PCDHGB4: variants seen among roughly 807,000 people sequenced by gnomAD.
The protein encoded by PCDHGB4 is protocadherin gamma-B4.
A neutral mutation model predicts 60.5 loss-of-function variants in PCDHGB4; 38 were observed. The observed-to-expected ratio is 0.63, with a 90% confidence interval of 0.48 to 0.82. The LOEUF is 0.82. PCDHGB4 is among the 40% of genes least tolerant of loss of function. The pLI is 0.00. For synonymous variants in PCDHGB4, 456 were observed against 509.7 expected (o/e 0.89, Z 1.42); for missense variants, 1,109 against 1,209.6 (o/e 0.92, Z 1.23).
rs1239481973 is a variant in PCDHGB4 at position 141,491,585 on chromosome 5, C to G, written c.2398-3222C>G. On this transcript the variant is annotated intron_variant, in intron 1 of 3. Coordinates refer to ENST00000519479, the MANE Select transcript of PCDHGB4 (RefSeq NM_003736.4). The surrounding 1 kb of genome is among the most constrained non-coding windows in gnomAD (Gnocchi z 6.9). ...TACAGGACGTGCTTTTCACCGGCCT[C>G]GGACGGCAGTGACTTCACTTTTCTA... 6.2e-7 allele frequency: 1 copy of G among 1,613,964 alleles called. No individual in the cohort carries two copies.
At chr5:141,434,535 A>G (rs939961995) in intron 1 of PCDHGB4, among the ~76,000 whole-genome samples, 1 of 152,230 alleles carries the variant, frequency 6.6e-6, no homozygotes, top group African/African-American at 2.4e-5. Flanking sequence ...ACCACAAACA[A>G]TAGCATGAGT....
intron 1 of PCDHGB4, among the ~76,000 whole-genome samples, chr5:141,429,774 G>A (rs1175985162): frequency 6.6e-6 from 1 of 152,070 alleles, no homozygotes; most frequent in Non-Finnish European, 1.5e-5. Context: ...ATTTTGATGG[G>A]CTTCCAAAAG....
At position 141,399,337 on chromosome 5, in the gene PCDHGB4, GGAACCCTAGACC is replaced by G. The variant is rs754766358; in HGVS notation, c.2397+9059_2397+9070del. 29 of 1,613,990 alleles carry G rather than the reference GGAACCCTAGACC, an allele frequency of 1.8e-5. No individual in the cohort carries two copies. In the South Asian group the frequency reaches 3.1e-4, roughly 17 times the overall value. Reference sequence around the variant, plus strand: ...AAATTCGTATAAGTTGGTAACAGATGGAACCCTAGACCGAGAGCAAACCCCGGAGTACAATGT... The same window carrying G: ...AAATTCGTATAAGTTGGTAACAGATGGAGAGCAAACCCCGGAGTACAATGT... On this transcript the variant is annotated intron_variant, in intron 1 of 3. Transcript: ENST00000519479.
rs2099612668 is a variant in PCDHGB4, at chr5:141,485,382, TGA to T, written c.2398-9424_2398-9423del. The T allele has an allele frequency of 6.2e-7, 1 of 1,613,538 alleles. No homozygotes were observed. The highest frequency in any genetic ancestry group is 8.5e-7 in the Non-Finnish European group (1 of 1,179,906). On this transcript the variant is annotated intron_variant, in intron 1 of 3. Coordinates refer to ENST00000519479, the MANE Select transcript of PCDHGB4 (RefSeq NM_003736.4). The surrounding 1 kb of genome is among the most constrained non-coding windows in gnomAD (Gnocchi z 5.7). ...CGCAGGCTGCAGGTCGCTGGAGAGG[TGA>T]ACCAAAGACACTTCCGTGTGGATTT...
intron 1 of PCDHGB4, chr5:141,414,379 A>G (rs2095740987): frequency 1.2e-6 from 2 of 1,613,912 alleles, no homozygotes; most frequent in African/African-American, 1.3e-5. Context: ...AGAAAAGTCC[A>G]TTGACAGTTA....
At chr5:141,460,231 G>A (rs911633731) in intron 1 of PCDHGB4, among the ~76,000 whole-genome samples, 3 of 152,028 alleles carry the variant, frequency 2.0e-5, no homozygotes, top group Non-Finnish European at 4.4e-5. Context: ...CTTTTGAAGA[G>A]CAGAAGATGT....
intron 1 of PCDHGB4, among the ~76,000 whole-genome samples, chr5:141,443,202 C>T (rs546748238): frequency 2.6e-5 from 4 of 152,172 alleles, no homozygotes; most frequent in Non-Finnish European, 1.5e-5. Flanking sequence ...GTACAAAGAG[C>T]TTGTCTCGCC....
intron 1 of PCDHGB4, chr5:141,478,150 C>T (rs569939900): frequency 6.2e-7 from 1 of 1,614,086 alleles, no homozygotes; most frequent in African/African-American, 1.3e-5. Flanking sequence ...CCGAGTTCCC[C>T]TCTGGCTCTG....
rs763743728 is a variant in PCDHGB4, at chr5:141,398,890, G to C, written c.2397+8609G>C. On this transcript the variant is annotated intron_variant, in intron 1 of 3. Coordinates refer to ENST00000519479, the MANE Select transcript of PCDHGB4 (RefSeq NM_003736.4). ...GTACAGAGTCAGCCTTCGGGAAAAC[G>C]TGCCACCAGGCACCACTGTGTTGCA... is the stretch of plus-strand genomic sequence containing the variant. 2.5e-6 allele frequency: 4 copies of C among 1,613,920 alleles called. No homozygotes were observed. The South Asian group carries it at 3.3e-5, about 13-fold the overall frequency.
chr5:141,428,395 G>A, intron 1 of PCDHGB4: 1 of 488,280 alleles, frequency 2.0e-6, no homozygotes, highest in Non-Finnish European at 3.8e-6. Flanking sequence ...CAGCCCCTCT[G>A]CCTGGGGTTG....
intron 1 of PCDHGB4, chr5:141,393,880 T>A (rs1561645063): frequency 6.2e-7 from 1 of 1,614,004 alleles, no homozygotes; most frequent in Non-Finnish European, 8.5e-7. Context: ...TTTAGCCCAG[T>A]GTTAGAAAAT....
intron 2 of PCDHGB4, 88 bp from the exon 3 acceptor site, chr5:141,505,305 C>G (rs1363643214): frequency 1.0e-5 from 16 of 1,595,104 alleles, no homozygotes; most frequent in African/African-American, 2.7e-5. Flanking sequence ...GGTTAGGGTA[C>G]TAGGTTTGGG....
chr5:141,400,566 A>G (rs754437274), intron 1 of PCDHGB4: 94 of 1,612,572 alleles, frequency 5.8e-5, no homozygotes, highest in Non-Finnish European at 7.7e-5. Flanking sequence ...TACCCACCCA[A>G]TTTTCTGTAT....
chr5:141,392,857 T>TGCTGTGC, intron 1 of PCDHGB4: 1 of 1,612,536 alleles, frequency 6.2e-7, no homozygotes, highest in Non-Finnish European at 8.5e-7. Flanking sequence ...GAGCTGATCC[T>TGCTGTGC]GCTGTGCGCG....
chr5:141,405,583 T>C (rs868246551), intron 1 of PCDHGB4: 1 of 588,746 alleles, frequency 1.7e-6, no homozygotes. Flanking sequence ...TAGCTGGGAC[T>C]ACAGGCCTCC....
rs1156714079 is a variant in PCDHGB4, at chr5:141,389,838, C to T, written c.1954C>T (p.Leu652Phe). 1.9e-6 allele frequency: 3 copies of T among 1,614,028 alleles called. No homozygotes were observed. The highest frequency in any genetic ancestry group is 2.5e-6 in the Non-Finnish European group (3 of 1,179,910). ...CGTGCGTGACGGTGGACAGCCACCACTCTCGGCCACTGCCACGTTGCACCT... is the reference window on the plus strand; with the variant it reads ...CGTGCGTGACGGTGGACAGCCACCATTCTCGGCCACTGCCACGTTGCACCT... ...VAVRDGGQPP[L>F]SATATLHLVF... Residue 652 changes from leucine (L) to phenylalanine (F), a missense_variant, in exon 1 of 4, where the codon CTC (leucine) becomes TTC (phenylalanine). By Grantham distance (22) the Leu-to-Phe change is conservative. Around this residue, in one of 2 missense-constraint regions of PCDHGB4, gnomAD observed 1,068 missense variants for 1,089.9 expected, o/e 0.98. Coordinates refer to ENST00000519479, the MANE Select transcript of PCDHGB4 (RefSeq NM_003736.4).
At position 141,457,041 on chromosome 5, in the gene PCDHGB4, A is replaced by T. The variant is rs151212070; in HGVS notation, c.2398-37766A>T. On this transcript the variant is annotated intron_variant, in intron 1 of 3. Transcript: ENST00000519479. ...AAGTCCTAGTAGACTCAGTGATAGT[A>T]AAACTTTCATGCTTCCTTTTTGCCA... 2.3e-4 allele frequency among the ~76,000 whole-genome samples: 35 copies of T among 152,360 alleles called. No individual in the cohort carries two copies. In the East Asian group the frequency reaches 6.4e-3, roughly 28 times the overall value.
chr5:141,427,817 G>A, intron 1 of PCDHGB4: 2 of 1,528,134 alleles, frequency 1.3e-6, no homozygotes, highest in Non-Finnish European at 1.8e-6. Flanking sequence ...AGAGCGGGGT[G>A]GTGGTCGCGC....
Position 141,493,022 on chromosome 5 carries a change from G to C in PCDHGB4, c.2398-1785G>C, listed in dbSNP as rs1184742888. On this transcript the variant is annotated intron_variant, in intron 1 of 3. Transcript: ENST00000519479. This position sits in a 1 kb window ranked among gnomAD's most constrained non-coding sequence, Gnocchi z 4.3. Reference sequence around the variant, plus strand: ...GCTATAGGCTCTGCCAGATGCCAGGGTGCCCTTATGTGTGAGGAAACTACA... The same window carrying C: ...GCTATAGGCTCTGCCAGATGCCAGGCTGCCCTTATGTGTGAGGAAACTACA... Among the ~76,000 whole-genome samples the C allele has an allele frequency of 6.6e-6, 1 of 152,222 alleles. No individual in the cohort carries two copies. Among genetic ancestry groups the C allele is most frequent in the Non-Finnish European group, 1.5e-5 (1 of 68,040 alleles).
Sources: allele counts gnomAD v4.1 joint callset (sites outside exome capture counted in the v4.1 genomes callset), GRCh38; gene constraint gnomAD v4.1.1; regional missense constraint gnomAD v4.1.1; non-coding constraint Gnocchi (gnomAD v3.1); transcripts MANE v1.5; gene names NCBI Gene and HGNC (gene_info 2026-07-23, HGNC 2026-07-21).